The following TMIGD3 variants were observed in gnomAD, a reference collection of about 807,000 sequenced individuals.
The protein encoded by TMIGD3 is transmembrane and immunoglobulin domain containing 3, also known as AD026 protein (AD026).
Under a neutral mutation model 28.1 loss-of-function variants are expected in TMIGD3, and 21 were observed. The ratio of observed to expected loss-of-function variants is 0.75; its 90% CI spans 0.53 to 1.08. The LOEUF is 1.08. Among genes scored for constraint, TMIGD3 ranks in the 50% least tolerant of loss-of-function variants. TMIGD3 has a pLI of 0.00. For missense variants in TMIGD3, 416 were observed against 435.6 expected (o/e 0.96, Z 0.40); for synonymous variants, 151 against 162.1 (o/e 0.93, Z 0.52).
At position 111,557,315 on chromosome 1, in the gene TMIGD3, G is replaced by A. The variant is rs547599474; in HGVS notation, c.107+6531C>T. On this transcript the variant is annotated intron_variant, in intron 1 of 5. Coordinates refer to the TMIGD3 transcript ENST00000369717. The stretch of plus-strand genomic sequence containing the variant: ...TGTAATCCTAGCACTTTGGGAGTCC[G>A]AGACAGGCAGATCACGAGGTGAGGA... 4.6e-5 allele frequency among the ~76,000 whole-genome samples: 7 copies of A among 152,270 alleles called. No individual in the cohort carries two copies. The South Asian group carries it at 8.3e-4, about 18-fold the overall frequency.
intron 1 of TMIGD3, among the ~76,000 whole-genome samples, chr1:111,556,774 G>A (rs1657507629): frequency 6.6e-6 from 1 of 152,104 alleles, no homozygotes; most frequent in African/African-American, 2.4e-5. Flanking sequence ...TGGGTATAAA[G>A]CTTTACTCTG....
At chr1:111,483,902 A>G in intron 5 of TMIGD3, 145 bp from the exon 6 acceptor site, 1 of 662,788 alleles carries the variant, frequency 1.5e-6, no homozygotes, top group Non-Finnish European at 2.7e-6. Context: ...GAGATCAGAT[A>G]TCATTACTGC....
chr1:111,499,315 GTAAGAAGGTGAGTATGCCAA>G, intron 1 of TMIGD3: 1 of 545,530 alleles, frequency 1.8e-6, no homozygotes, highest in Non-Finnish European at 2.3e-6. Context: ...GGGGCTAAGA[GTAAGAAGGTGAGTATGCCAA>G]CACATGGCTC....
At position 111,503,000 on chromosome 1, in the gene TMIGD3, G is replaced by A. The variant is rs201612047; in HGVS notation, c.350+5C>T. On this transcript the variant is annotated splice_donor_5th_base_variant and intron_variant, in intron 1 of 5. Transcript: ENST00000369716. ...AATTGCTGCCCACCCCACGCCGCAGGCTACCTGACGGTAAGCTTGACCCGC... is the reference window on the plus strand; with the variant it reads ...AATTGCTGCCCACCCCACGCCGCAGACTACCTGACGGTAAGCTTGACCCGC... 37 of 1,611,856 alleles carry A rather than the reference G, an allele frequency of 2.3e-5. No homozygotes were observed. In the Middle Eastern group the frequency reaches 8.5e-4, roughly 37 times the overall value.
chr1:111,548,243 A>G (rs2800896), intron 1 of TMIGD3, among the ~76,000 whole-genome samples: 50,141 of 151,938 alleles, frequency 0.33, 9,450 homozygotes, highest in Non-Finnish European at 0.43. Flanking sequence ...CTGGTCTCAA[A>G]CTCCTGGCCT....
intron 2 of TMIGD3, chr1:111,489,638 G>A (rs1010308248): frequency 1.1e-5 from 12 of 1,134,982 alleles, no homozygotes; most frequent in Middle Eastern, 2.5e-4. Context: ...ATTGCTTGAC[G>A]GAGGGCCTTG....
chr1:111,516,613 T>C (rs1655877409), intron 1 of TMIGD3, among the ~76,000 whole-genome samples: 1 of 152,218 alleles, frequency 6.6e-6, no homozygotes, highest in African/African-American at 2.4e-5. Flanking sequence ...CCTCAGCTTC[T>C]GCTGGGTGAG....
At chr1:111,485,897 C>T (rs537687783) in intron 4 of TMIGD3, 57 bp from the exon 5 acceptor site, 2 of 1,379,276 alleles carry the variant, frequency 1.5e-6, no homozygotes, top group African/African-American at 1.4e-5. Context: ...TATTGATTCT[C>T]AGCTCTGGAT....
At chr1:111,516,682 A>G (rs538383450) in intron 1 of TMIGD3, among the ~76,000 whole-genome samples, 7 of 152,280 alleles carry the variant, frequency 4.6e-5, no homozygotes, top group South Asian at 2.1e-4. Context: ...GAAAGCCACA[A>G]AGCTGAAGTC....
rs760787347 is a variant in TMIGD3 at position 111,500,470 on chromosome 1, A to T, written c.350+2535T>A. On this transcript the variant is annotated intron_variant, in intron 1 of 5. Transcript: ENST00000369716. ...GGTCAGTTTCATGTTCCAGCCAAAC[A>T]TGGGGGTCAATCCCACCAGGAATGA... is the stretch of plus-strand genomic sequence containing the variant. 40 of 1,614,046 alleles carry T rather than the reference A, an allele frequency of 2.5e-5. No individual in the cohort carries two copies. In the South Asian group the frequency reaches 4.2e-4, roughly 17 times the overall value.
At chr1:111,559,678 TA>T (rs1266070084) in intron 1 of TMIGD3, among the ~76,000 whole-genome samples, 1 of 152,222 alleles carries the variant, frequency 6.6e-6, no homozygotes, top group African/African-American at 2.4e-5. Context: ...TATTAATATT[TA>T]AAACATCCAT....
At chr1:111,511,376 C>A (rs766607312) in intron 1 of TMIGD3, among the ~76,000 whole-genome samples, 8 of 152,180 alleles carry the variant, frequency 5.3e-5, no homozygotes, top group Non-Finnish European at 1.2e-4. Flanking sequence ...ATGTAGTACT[C>A]TCAGGTCTGT....
chr1:111,483,905 A>G (rs1557812739), intron 5 of TMIGD3, 148 bp from the exon 6 acceptor site: 1 of 655,660 alleles, frequency 1.5e-6, no homozygotes, highest in East Asian at 2.8e-5. Flanking sequence ...ATCAGATATC[A>G]TTACTGCAAA....
chr1:111,558,150 C>T (rs1490845281), intron 1 of TMIGD3, among the ~76,000 whole-genome samples: 3 of 152,004 alleles, frequency 2.0e-5, no homozygotes, highest in African/African-American at 7.2e-5. Flanking sequence ...AGACCAAACT[C>T]TTTGGGTTAA....
At chr1:111,507,629 A>G (rs1655554812), upstream of TMIGD3, among the ~76,000 whole-genome samples, 1 of 152,206 alleles carries the variant, frequency 6.6e-6, no homozygotes, top group African/African-American at 2.4e-5. Context: ...GGAGCCCTAG[A>G]GCTGGTCCAC....
intron 1 of TMIGD3, among the ~76,000 whole-genome samples, chr1:111,541,333 A>T (rs1169799626): frequency 2.0e-5 from 3 of 152,218 alleles, no homozygotes; most frequent in Admixed American, 6.5e-5. Context: ...AAAGAAAATG[A>T]TGAGCTCTGG....
At chr1:111,495,677 C>T (rs969353292) in intron 1 of TMIGD3, among the ~76,000 whole-genome samples, 1 of 152,066 alleles carries the variant, frequency 6.6e-6, no homozygotes, top group African/African-American at 2.4e-5. Context: ...GGGTATATAC[C>T]CAAAGAAATA....
chr1:111,563,559 C>T (rs1657831478), intron 1 of TMIGD3, among the ~76,000 whole-genome samples: 1 of 152,038 alleles, frequency 6.6e-6, no homozygotes, highest in Non-Finnish European at 1.5e-5. Context: ...ATTCAGTGAT[C>T]GAAGGTGTAG....
At chr1:111,499,695 A>G (rs535900028) in intron 1 of TMIGD3, 1 of 1,273,712 alleles carries the variant, frequency 7.9e-7, no homozygotes, top group African/African-American at 1.5e-5. Flanking sequence ...AAAACAGACA[A>G]TAATATCAAT....
Sources: gnomAD v4.1 joint callset for allele counts (sites outside exome capture counted in the v4.1 genomes callset) on GRCh38, gnomAD v4.1.1 for gene constraint, MANE v1.5 for transcripts, NCBI Gene and HGNC (gene_info 2026-07-23, HGNC 2026-07-21) for gene names.